The following PDC variants were observed in gnomAD, a reference collection of about 807,000 sequenced individuals.
PDC encodes 33 kDa phototransducing protein.
In PDC, 19 loss-of-function variants were observed where a neutral mutation model predicts 22.2. The ratio of observed to expected loss-of-function variants is 0.86; its 90% CI spans 0.60 to 1.26. The LOEUF is 1.26. Ranked by LOEUF, PDC falls within the 50% of genes most tolerant of loss-of-function variation. The pLI is 0.00. For missense variants in PDC, 274 were observed against 286.8 expected (o/e 0.96, Z 0.32); for synonymous variants, 97 against 96.2 (o/e 1.01, Z -0.05).
chr1:186,444,376 T>A lies in PDC; in HGVS notation c.344A>T (p.Tyr115Phe). The change falls in exon 4 of 4, where the codon TAT (tyrosine) becomes TTT (phenylalanine). Residue 115 changes from tyrosine (Y) to phenylalanine (F), a missense_variant. Coordinates refer to ENST00000391997, the MANE Select transcript of PDC (RefSeq NM_002597.5). ...LSFGPRYGFV[Y>F]ELETGKQFLE... ...GAATTGCTTTCCAGTTTCCAGCTCATACACAAACCCATATCTAGGCCCAAA... is the reference window on the plus strand; with the variant it reads ...GAATTGCTTTCCAGTTTCCAGCTCAAACACAAACCCATATCTAGGCCCAAA... 6.2e-7 allele frequency: 1 copy of A among 1,614,134 alleles called. No homozygotes were observed. Among genetic ancestry groups the A allele is most frequent in the South Asian group, 1.1e-5 (1 of 91,080 alleles).
chr1:186,446,937 T>G (rs1662244000), intron 2 of PDC, among the ~76,000 whole-genome samples: 1 of 152,020 alleles, frequency 6.6e-6, no homozygotes, highest in East Asian at 1.9e-4. Context: ...AGAAAAAAAC[T>G]TCAGCAACAA....
intron 2 of PDC, chr1:186,448,703 T>C (rs1220266242): frequency 2.0e-5 from 19 of 958,104 alleles, no homozygotes; most frequent in Admixed American, 6.2e-5. Flanking sequence ...ATTGCTATTA[T>C]AAAATAAATC....
At position 186,444,119 on chromosome 1, in the gene PDC, A is replaced by T. The variant is rs1301039607; in HGVS notation, c.601T>A (p.Phe201Ile). The change falls in exon 4 of 4, where the codon TTT (phenylalanine) becomes ATT (isoleucine). Residue 201 changes from phenylalanine to isoleucine, a missense_variant. Coordinates refer to ENST00000391997, the MANE Select transcript of PDC (RefSeq NM_002597.5). ...IYKGGELISN[F>I]ISVAEQFAEE... ...GCAAACTGTTCAGCAACACTAATAA[A>T]ATTGCTTATGAGTTCCCCACCTTTA... 1.2e-6 allele frequency: 2 copies of T among 1,613,994 alleles called. No individual in the cohort carries two copies. Among genetic ancestry groups the T allele is most frequent in the South Asian group, 2.2e-5 (2 of 91,064 alleles).
intron 3 of PDC, among the ~76,000 whole-genome samples, chr1:186,445,214 A>G (rs890333545): frequency 6.6e-6 from 1 of 152,194 alleles, no homozygotes; most frequent in African/African-American, 2.4e-5. Context: ...AATGGGGCAT[A>G]GTGTGATTAA....
rs190546562 is a variant in PDC, at chr1:186,447,009, A to C, written c.62-432T>G. On this transcript the variant is annotated intron_variant, in intron 2 of 3. Coordinates refer to ENST00000391997, the MANE Select transcript of PDC (RefSeq NM_002597.5). ...GGGAATGTTGGGGAAACAAAATAAC[A>C]ATAGTATATAAAAAACAACTGGTGA... 2.7e-3 allele frequency among the ~76,000 whole-genome samples: 406 copies of C among 152,306 alleles called. 3 individuals carry two copies. The highest frequency in any genetic ancestry group is 4.3e-3 in the Admixed American group (65 of 15,294).
Position 186,449,436 on chromosome 1 carries a change from A to T in PDC, c.24T>A (p.Ser8Arg), listed in dbSNP as rs1307453974. The change falls in exon 2 of 4, where the codon AGT becomes AGA. Residue 8 changes from serine to arginine, a missense_variant. Transcript: ENST00000391997. Reference protein sequence around the residue: MEEAKSQSLEEDFEGQAT... With the variant: MEEAKSQRLEEDFEGQAT... ...CCTGTCCTTCAAAGTCTTCCTCCAA[A>T]CTTTGGCTTTTGGCTTCTTCCATTT... 2 of 1,607,474 alleles carry T rather than the reference A, an allele frequency of 1.2e-6. No individual in the cohort carries two copies. The highest frequency in any genetic ancestry group is 4.5e-5 in the East Asian group (2 of 44,738).
rs189585012 is a variant in PDC at position 186,444,962 on chromosome 1, A to G, written c.214-456T>C. Among the ~76,000 whole-genome samples, 170 of 152,280 alleles carry G rather than the reference A, an allele frequency of 1.1e-3. 1 individual carries two copies. The highest frequency in any genetic ancestry group is 3.7e-3 in the African/African-American group (155 of 41,560). On this transcript the variant is annotated intron_variant, in intron 3 of 3. Coordinates refer to ENST00000391997, the MANE Select transcript of PDC (RefSeq NM_002597.5). ...CCCTAGGTTTACTGAATTAGAACCT[A>G]TAAGAGTGAGGCTAAGTAATCCATA...
chr1:186,456,709 T>C (rs749970083), intron 1 of PDC, among the ~76,000 whole-genome samples: 3 of 152,200 alleles, frequency 2.0e-5, no homozygotes, highest in Admixed American at 6.5e-5. Flanking sequence ...TGGAAACACA[T>C]AGAATAAGAA....
At position 186,443,778 on chromosome 1, in the gene PDC, GCT is replaced by G. The variant is rs1462256301; in HGVS notation, c.*199_*200del. The G allele has an allele frequency of 2.8e-5, 15 of 531,056 alleles. No homozygotes were observed. The highest frequency in any genetic ancestry group is 3.3e-6 in the Non-Finnish European group (1 of 300,298). 32.9% of individuals were successfully genotyped at this position (531,056 alleles called of 1,614,324 possible). A position where few individuals can be genotyped will look rare whatever the true frequency, so the allele number is the denominator to read the frequency against. ...TCTACTAATAATGTTGCTGAAGACA[GCT>G]CTGTTTTGTAGTCAAGCATTGTATC... On this transcript the variant is annotated 3_prime_UTR_variant, in exon 4 of 4. Transcript: ENST00000391997.
intron 2 of PDC, among the ~76,000 whole-genome samples, 190 bp downstream of exon 2, chr1:186,449,209 C>T (rs1040971022): frequency 2.6e-5 from 4 of 151,898 alleles, no homozygotes; most frequent in Admixed American, 2.0e-4. Context: ...TCTTTGACAT[C>T]TAAATAAAAC....
intron 1 of PDC, among the ~76,000 whole-genome samples, chr1:186,455,994 A>AAATATAT (rs1553242743): frequency 2.6e-5 from 2 of 77,104 alleles, no homozygotes; most frequent in Non-Finnish European, 4.1e-5. Flanking sequence ...AAAAAAAAAA[A>AAATATAT]ATATATATAT....
chr1:186,449,283 A>T (rs1217319609), intron 2 of PDC, 116 bp downstream of exon 2: 1 of 476,644 alleles, frequency 2.1e-6, no homozygotes, highest in Non-Finnish European at 3.6e-6. Context: ...GATTAGCATA[A>T]CAATTTATAT....
chr1:186,459,282 C>G (rs1432516276), intron 1 of PDC, among the ~76,000 whole-genome samples: 1 of 152,084 alleles, frequency 6.6e-6, no homozygotes, highest in Non-Finnish European at 1.5e-5. Flanking sequence ...GAATCTTTAA[C>G]AAGCTCTAAG....
chr1:186,446,406 T>C lies in PDC; in HGVS notation c.213+20A>G. ...AAACACATTGTAAATTATTTATTACTGCTTTTTGTATTATCTTACCTTTCT... is the reference window on the plus strand; with the variant it reads ...AAACACATTGTAAATTATTTATTACCGCTTTTTGTATTATCTTACCTTTCT... On this transcript the variant is annotated intron_variant, in intron 3 of 3. Transcript: ENST00000391997. 2 of 1,540,352 alleles carry C rather than the reference T, an allele frequency of 1.3e-6. No individual in the cohort carries two copies. Among genetic ancestry groups the C allele is most frequent in the Non-Finnish European group, 1.8e-6 (2 of 1,129,220 alleles).
intron 1 of PDC, among the ~76,000 whole-genome samples, chr1:186,452,986 A>G (rs1662382612): frequency 6.6e-6 from 1 of 152,244 alleles, no homozygotes; most frequent in Admixed American, 6.5e-5. Flanking sequence ...TAAAAATTGT[A>G]TATGGATCCT....
At chr1:186,448,751 A>C in intron 2 of PDC, 1 of 569,386 alleles carries the variant, frequency 1.8e-6, no homozygotes, top group Non-Finnish European at 2.2e-6. Flanking sequence ...GAATTCTTTC[A>C]AACTTCTGGC....
At chr1:186,459,752 GTATATATATATATATA>G (rs56927589) in intron 1 of PDC, among the ~76,000 whole-genome samples, 59 of 112,114 alleles carry the variant, frequency 5.3e-4, no homozygotes, top group African/African-American at 1.8e-3. Flanking sequence ...GTGTGTGTGT[GTATATATATATATATA>G]TATATATATA....
chr1:186,459,443 A>G (rs138181185), intron 1 of PDC, among the ~76,000 whole-genome samples: 97 of 152,264 alleles, frequency 6.4e-4, no homozygotes, highest in African/African-American at 2.3e-3. Flanking sequence ...TTGCAGACAT[A>G]CAGATATTCT....
At chr1:186,460,754 T>C (rs1293235942) in intron 1 of PDC, among the ~76,000 whole-genome samples, 1 of 152,130 alleles carries the variant, frequency 6.6e-6, no homozygotes, top group Non-Finnish European at 1.5e-5. Flanking sequence ...CTCCCTTCAC[T>C]CAAAGGAAAT....
Sources: allele counts gnomAD v4.1 joint callset (sites outside exome capture counted in the v4.1 genomes callset), GRCh38; gene constraint gnomAD v4.1.1; transcripts MANE v1.5; gene names NCBI Gene and HGNC (gene_info 2026-07-23, HGNC 2026-07-21).